Variants in ADCYAP1 observed in about 807,000 individuals in gnomAD.
ADCYAP1 encodes the protein pituitary adenylate cyclase-activating polypeptide.
A neutral mutation model predicts 18.5 loss-of-function variants in ADCYAP1; 6 were observed. That is an observed-to-expected ratio of 0.32 (90% CI 0.18 to 0.64). The LOEUF is 0.64. ADCYAP1 is among the 30% of genes least tolerant of loss of function. The probability of loss-of-function intolerance (pLI) is 0.77; values close to 1 mark genes in which losing one functional copy is unlikely to be tolerated. For missense variants in ADCYAP1, 314 were observed against 253.6 expected (o/e 1.24, Z -1.62); for synonymous variants, 136 against 113.9 (o/e 1.19, Z -1.24).
Position 907,671 on chromosome 18 carries a change from G to A in ADCYAP1, c.123G>A (p.Glu41=). Residue 41 remains glutamate, a synonymous_variant, in exon 3 of 5, where the codon GAG becomes GAA. Coordinates refer to ENST00000450565, the MANE Select transcript of ADCYAP1 (RefSeq NM_001099733.2). ...LRFPGIRPEE[E]AYGEDGNPLP... is the part of the protein sequence containing the mutation. ...GGCCACCCCGCAGGCCAGAGGAAGA[G>A]GCGTACGGCGAGGACGGAAACCCGC... 6.3e-7 allele frequency: 1 copy of A among 1,582,698 alleles called. No individual in the cohort carries two copies. Among genetic ancestry groups the A allele is most frequent in the Non-Finnish European group, 8.5e-7 (1 of 1,172,376 alleles).
rs1277733203 is a variant in ADCYAP1 at position 907,775 on chromosome 18, G to A, written c.227G>A (p.Arg76His). 2 of 1,448,034 alleles carry A rather than the reference G, an allele frequency of 1.4e-6. No individual in the cohort carries two copies. Among genetic ancestry groups the A allele is most frequent in the East Asian group, 2.7e-5 (1 of 36,748 alleles). The allele number at this position is 1,448,034 out of a possible 1,614,324, so 89.7% of individuals were successfully genotyped here. A position where few individuals can be genotyped will look rare whatever the true frequency, so the allele number is the denominator to read the frequency against. Reference protein sequence around the residue: ...SAPRAAAAWYRPAGRRDVAHG... With the variant: ...SAPRAAAAWYHPAGRRDVAHG... The stretch of plus-strand genomic sequence containing the variant: ...CCGCGCGCCGCCGCCGCCTGGTACC[G>A]CCCGGCCGGGAGAAGGTGAGATTCG... The change falls in exon 3 of 5, where the codon CGC (arginine) becomes CAC (histidine). Residue 76 changes from arginine (R) to histidine (H), a missense_variant. Coordinates refer to ENST00000450565, the MANE Select transcript of ADCYAP1 (RefSeq NM_001099733.2).
chr18:907,371 T>C (rs903483876), intron 2 of ADCYAP1, among the ~76,000 whole-genome samples: 6 of 147,536 alleles, frequency 4.1e-5, no homozygotes, highest in African/African-American at 1.5e-4. Context: ...GTGTGCGCGA[T>C]CGGCGGAGAC....
Position 909,386 on chromosome 18 carries a change from G to T in ADCYAP1, c.342-60G>T, listed in dbSNP as rs1909298620. Reference sequence around the variant, plus strand: ...GTGGGGTGGGGCCCGCCTGCTCCCCGCGGCGATTGAACCTGTGTCTCCCGC... The same window carrying T: ...GTGGGGTGGGGCCCGCCTGCTCCCCTCGGCGATTGAACCTGTGTCTCCCGC... On this transcript the variant is annotated intron_variant, in intron 4 of 4. Transcript: ENST00000450565. 2.6e-6 allele frequency: 4 copies of T among 1,527,204 alleles called. No individual in the cohort carries two copies. The Admixed American group carries it at 5.7e-5, about 22-fold the overall frequency. The allele number at this position is 1,527,204 out of a possible 1,614,324, so 94.6% of individuals were successfully genotyped here. A position where few individuals can be genotyped will look rare whatever the true frequency, so the allele number is the denominator to read the frequency against.
intron 1 of ADCYAP1, 153 bp downstream of exon 1, chr18:905,213 T>A: frequency 6.9e-7 from 1 of 1,438,982 alleles, no homozygotes; most frequent in Non-Finnish European, 9.1e-7. Context: ...TTTTTCTAAC[T>A]ATAGCAAGCA....
chr18:905,251 C>G, intron 1 of ADCYAP1, 135 bp from the exon 2 acceptor site: 3 of 1,484,600 alleles, frequency 2.0e-6, no homozygotes, highest in South Asian at 1.4e-5. Flanking sequence ...CACCGGCTGT[C>G]GCCAAGTGCT....
rs533490986 is a variant in ADCYAP1 at position 905,650 on chromosome 18, G to A, written c.110+154G>A. The A allele has an allele frequency of 3.0e-5, 28 of 924,204 alleles. No individual in the cohort carries two copies. The South Asian group carries it at 4.6e-4, about 15-fold the overall frequency. 57.3% of individuals were successfully genotyped at this position (924,204 alleles called of 1,614,324 possible). A position where few individuals can be genotyped will look rare whatever the true frequency, so the allele number is the denominator to read the frequency against. On this transcript the variant is annotated intron_variant, in intron 2 of 4. Transcript: ENST00000450565. ...TCCGCCAGCCTCGGCTGGACAGCGG[G>A]TCCCCATTCTAGCCGAGGGTCTGGC...
upstream of ADCYAP1, chr18:904,707 T>C (rs1909089361): frequency 4.6e-5 from 56 of 1,225,286 alleles, no homozygotes; most frequent in Non-Finnish European, 5.8e-5. Context: ...CTTTCCCTCT[T>C]TCCCTTAATC....
In ADCYAP1 at chr18:908,183, C is replaced by T. The variant is rs566840802; in HGVS notation, c.243-82C>T. The T allele has an allele frequency of 8.6e-6, 11 of 1,278,542 alleles. No individual in the cohort carries two copies. In the South Asian group the frequency reaches 1.1e-4, roughly 13 times the overall value. The allele number at this position is 1,278,542 out of a possible 1,614,324, so 79.2% of individuals were successfully genotyped here. Reference sequence around the variant, plus strand: ...TCAGCCTCCCCGGCCGCCGAGGGGGCGCGCGCCCAACAAGGGGGTCTCTAG... The same window carrying T: ...TCAGCCTCCCCGGCCGCCGAGGGGGTGCGCGCCCAACAAGGGGGTCTCTAG... On this transcript the variant is annotated intron_variant, in intron 3 of 4. Transcript: ENST00000450565.
chr18:907,877 A>AT (rs71176206), intron 3 of ADCYAP1, 87 bp downstream of exon 3: 404,626 of 1,185,402 alleles, frequency 0.34, 14,875 homozygotes, highest in East Asian at 0.38. Context: ...CCCACCCAGG[A>AT]TTTTTTTTTT....
Position 909,873 on chromosome 18 carries a change from A to AATAT in ADCYAP1, c.*268_*271dup, listed in dbSNP as rs35018620. ...ATATATATTATAAATATATATAAAGAATATATATATATATATATATATATA... is the reference window on the plus strand; with the variant it reads ...ATATATATTATAAATATATATAAAGAATATATATATATATATATATATATATATA... On this transcript the variant is annotated 3_prime_UTR_variant, in exon 5 of 5. Coordinates refer to ENST00000450565, the MANE Select transcript of ADCYAP1 (RefSeq NM_001099733.2). 5.4e-3 allele frequency: 775 copies of AATAT among 143,382 alleles called. 4 individuals are homozygous for AATAT. The highest frequency in any genetic ancestry group is 0.019 in the South Asian group (84 of 4,388). The allele number at this position is 143,382 out of a possible 1,614,324, so 8.9% of individuals were successfully genotyped here.
rs1383038964 is a variant in ADCYAP1, at chr18:908,492, T to C, written c.341+129T>C. 3 of 637,078 alleles carry C rather than the reference T, an allele frequency of 4.7e-6. No individual in the cohort carries two copies. In the African/African-American group the frequency reaches 5.7e-5, roughly 12 times the overall value. 39.5% of individuals were successfully genotyped at this position (637,078 alleles called of 1,614,324 possible). On this transcript the variant is annotated intron_variant, in intron 4 of 4. Coordinates refer to ENST00000450565, the MANE Select transcript of ADCYAP1 (RefSeq NM_001099733.2). ...TGCGCCCCTGGGTCTGGGGTGGGCA[T>C]CCGCCACGGGTCGCAGTTGGAGATT...
chr18:905,338 G>A (rs1909121538), intron 1 of ADCYAP1, 48 bp from the exon 2 acceptor site: 3 of 1,601,656 alleles, frequency 1.9e-6, no homozygotes, highest in East Asian at 4.5e-5. Flanking sequence ...AGGGTGGGAG[G>A]CCAGGGGCGT....
At chr18:904,705 C>T (rs1371107365), upstream of ADCYAP1, 15 of 1,225,050 alleles carry the variant, frequency 1.2e-5, no homozygotes, top group Non-Finnish European at 1.5e-5. Flanking sequence ...GACTTTCCCT[C>T]TTTCCCTTAA....
In ADCYAP1 at chr18:911,679, G is replaced by A. The variant is rs1909394307; in HGVS notation, c.*2044G>A. 6.6e-6 allele frequency: 1 copy of A among 152,306 alleles called. No individual in the cohort carries two copies. The highest frequency in any genetic ancestry group is 6.5e-5 in the Admixed American group (1 of 15,296). The allele number at this position is 152,306 out of a possible 1,614,324, so 9.4% of individuals were successfully genotyped here. A position where few individuals can be genotyped will look rare whatever the true frequency, so the allele number is the denominator to read the frequency against. On this transcript the variant is annotated 3_prime_UTR_variant, in exon 5 of 5. Coordinates refer to ENST00000450565, the MANE Select transcript of ADCYAP1 (RefSeq NM_001099733.2). Reference sequence around the variant, plus strand: ...CTCCTCAGGCAATGTGACACGGGATGCAGTTTGCAGCTTTAGTGCCTTTCT... The same window carrying A: ...CTCCTCAGGCAATGTGACACGGGATACAGTTTGCAGCTTTAGTGCCTTTCT...
intron 2 of ADCYAP1, among the ~76,000 whole-genome samples, chr18:906,875 A>G (rs1598983385): frequency 6.6e-6 from 1 of 152,340 alleles, no homozygotes; most frequent in East Asian, 1.9e-4. Context: ...TCTGGGGTTG[A>G]GATGGGGCAC....
chr18:909,490 C>T lies in ADCYAP1; in HGVS notation c.386C>T (p.Ser129Phe). ...GGAGDDAEPLSKRHSDGIFTD... is the reference protein window; with the variant it reads ...GGAGDDAEPLFKRHSDGIFTD... ...GCGGGGGACGACGCGGAGCCGCTCT[C>T]CAAGCGCCACTCGGACGGGATCTTC... The change falls in exon 5 of 5, where the codon TCC becomes TTC. Residue 129 changes from serine to phenylalanine, a missense_variant. Coordinates refer to ENST00000450565, the MANE Select transcript of ADCYAP1 (RefSeq NM_001099733.2). 1.2e-6 allele frequency: 2 copies of T among 1,613,482 alleles called. No individual in the cohort carries two copies. Among genetic ancestry groups the T allele is most frequent in the Non-Finnish European group, 1.7e-6 (2 of 1,179,948 alleles).
At chr18:908,170 GC>G (rs1598984469) in intron 3 of ADCYAP1, 94 bp from the exon 4 acceptor site, 3 of 1,141,644 alleles carry the variant, frequency 2.6e-6, no homozygotes. Context: ...AGCCTCCCCG[GC>G]CGCCGAGGGG....
At chr18:905,271 A>G (rs1909118601) in intron 1 of ADCYAP1, 115 bp from the exon 2 acceptor site, 2 of 1,515,464 alleles carry the variant, frequency 1.3e-6, no homozygotes, top group Middle Eastern at 1.8e-4. Context: ...TGTTCAACTC[A>G]GGGAGCCGGG....
At chr18:907,410 C>G (rs1361417087) in intron 2 of ADCYAP1, 11 of 416,466 alleles carry the variant, frequency 2.6e-5, no homozygotes, top group Admixed American at 2.5e-4. Context: ...TTGTTGAGGC[C>G]GTGGCCCGCA....
Sources: gnomAD v4.1 joint callset for allele counts (sites outside exome capture counted in the v4.1 genomes callset) on GRCh38, gnomAD v4.1.1 for gene constraint, MANE v1.5 for transcripts, NCBI Gene and HGNC (gene_info 2026-07-23, HGNC 2026-07-21) for gene names.